Variants in MVB12B observed in about 807,000 individuals in gnomAD.
MVB12B encodes multivesicular body subunit 12B.
Under a neutral mutation model 41.6 loss-of-function variants are expected in MVB12B, and 16 were observed. That is an observed-to-expected ratio of 0.38 (90% CI 0.26 to 0.58). The LOEUF (loss-of-function observed/expected upper bound fraction) is 0.58, where lower values mean the gene tolerates loss of function less well. MVB12B is among the 20% of genes least tolerant of loss of function. MVB12B has a pLI of 0.62. For missense variants in MVB12B, 274 were observed against 380.2 expected, an observed-to-expected ratio of 0.72 and a Z score of 2.32; for synonymous variants, 133 against 139.7, an observed-to-expected ratio of 0.95 and a Z score of 0.34.
chr9:126,441,707 G>A (rs1832644916), intron 7 of MVB12B, among the ~76,000 whole-genome samples: 1 of 143,884 alleles, frequency 7.0e-6, no homozygotes, highest in African/African-American at 2.4e-5. Context: ...TTCCCTAATA[G>A]CTACAAAACT....
At chr9:126,492,128 A>G (rs1328873736) in intron 9 of MVB12B, among the ~76,000 whole-genome samples, 1 of 148,356 alleles carries the variant, frequency 6.7e-6, no homozygotes, top group Non-Finnish European at 1.5e-5. Context: ...GCACACACAC[A>G]CACACACACG....
chr9:126,446,438 CTAAG>C (rs1395854565), intron 7 of MVB12B, among the ~76,000 whole-genome samples: 1 of 140,606 alleles, frequency 7.1e-6, no homozygotes, highest in African/African-American at 2.7e-5. Flanking sequence ...TTTGTGTGAT[CTAAG>C]TTTTTTTCAA....
At chr9:126,327,272 A>G in intron 1 of MVB12B, 1 of 984,608 alleles carries the variant, frequency 1.0e-6, no homozygotes, top group Non-Finnish European at 1.2e-6. Flanking sequence ...CCCGAGTGCC[A>G]GCAGCGCCCC....
intron 7 of MVB12B, among the ~76,000 whole-genome samples, chr9:126,475,123 C>T (rs761708328): frequency 2.6e-5 from 4 of 152,328 alleles, no homozygotes; most frequent in Non-Finnish European, 2.9e-5. Context: ...ACCTACACTA[C>T]GAGACTCTTC....
chr9:126,420,507 A>T (rs1831972056), intron 6 of MVB12B, among the ~76,000 whole-genome samples: 1 of 150,112 alleles, frequency 6.7e-6, no homozygotes, highest in African/African-American at 2.5e-5. Context: ...GTTCCAGCTC[A>T]ATCCTGGACC....
rs148909405 is a variant in MVB12B at position 126,486,722 on chromosome 9, T to C, written c.873+2690T>C. ...CTACCCCAGGCCTCATTCCTCCCTG[T>C]GTCGTGGGGAGAAATGGAGACTCCG... is the stretch of plus-strand genomic sequence containing the variant. On this transcript the variant is annotated intron_variant, in intron 9 of 9. Coordinates refer to ENST00000361171, the MANE Select transcript of MVB12B (RefSeq NM_033446.3). The surrounding 1 kb of genome is among the most constrained non-coding windows in gnomAD (Gnocchi z 4.7). Among the ~76,000 whole-genome samples the C allele has an allele frequency of 1.2e-4, 19 of 152,232 alleles. No individual in the cohort carries two copies. The highest frequency in any genetic ancestry group is 2.4e-4 in the Non-Finnish European group (16 of 67,992).
intron 2 of MVB12B, among the ~76,000 whole-genome samples, chr9:126,374,945 T>A (rs576954137): frequency 6.6e-6 from 1 of 152,358 alleles, no homozygotes; most frequent in East Asian, 1.9e-4. Flanking sequence ...ATCAGAGTGC[T>A]CATAAGAAAA....
intron 2 of MVB12B, among the ~76,000 whole-genome samples, chr9:126,375,201 T>C (rs1044652357): frequency 1.3e-5 from 2 of 152,224 alleles, no homozygotes; most frequent in African/African-American, 4.8e-5. Flanking sequence ...TGAATACCAC[T>C]GAATCAAGTA....
chr9:126,458,677 T>C (rs1588189044), intron 7 of MVB12B, among the ~76,000 whole-genome samples: 1 of 152,354 alleles, frequency 6.6e-6, no homozygotes, highest in East Asian at 1.9e-4. Flanking sequence ...GGTATCTTTC[T>C]AGGCTGTTAG....
chr9:126,501,116 G>C (rs1833946415), intron 9 of MVB12B, among the ~76,000 whole-genome samples: 1 of 152,234 alleles, frequency 6.6e-6, no homozygotes, highest in African/African-American at 2.4e-5. Flanking sequence ...CAGCCTCCCG[G>C]AGCCGGAGTC....
intron 6 of MVB12B, chr9:126,396,175 A>C (rs1831108454): frequency 1.0e-6 from 1 of 987,090 alleles, no homozygotes; most frequent in Non-Finnish European, 1.2e-6. Context: ...ATGAGAGAAT[A>C]GTGAGGAGTT....
intron 3 of MVB12B, among the ~76,000 whole-genome samples, chr9:126,382,765 A>G (rs1160077571): frequency 6.6e-6 from 1 of 152,130 alleles, no homozygotes; most frequent in Non-Finnish European, 1.5e-5. Flanking sequence ...GTTGGTACCT[A>G]GGCTAGCAGA....
intron 2 of MVB12B, among the ~76,000 whole-genome samples, chr9:126,366,235 T>C (rs889652967): frequency 6.6e-6 from 1 of 151,970 alleles, no homozygotes; most frequent in African/African-American, 2.4e-5. Context: ...CTCTTCATTA[T>C]CCCCACTCAC....
In MVB12B at chr9:126,371,278, C is replaced by T. The variant is rs538699774; in HGVS notation, c.205-9786C>T. Among the ~76,000 whole-genome samples, 6 of 152,356 alleles carry T rather than the reference C, an allele frequency of 3.9e-5. No homozygotes were observed. The East Asian group carries it at 9.6e-4, about 24-fold the overall frequency. ...CTTGGCCGTCTGGGTGCGACAGAAA[C>T]GGGAGCACTTCTGGCCCAGAGCCTC... On this transcript the variant is annotated intron_variant, in intron 2 of 9. Coordinates refer to ENST00000361171, the MANE Select transcript of MVB12B (RefSeq NM_033446.3).
chr9:126,342,289 C>T (rs1294167724), intron 2 of MVB12B, among the ~76,000 whole-genome samples: 2 of 152,284 alleles, frequency 1.3e-5, no homozygotes, highest in African/African-American at 2.4e-5. Context: ...GCAGGGGTCT[C>T]CCCATCTTCC....
rs1344832512 is a variant in MVB12B at position 126,389,425 on chromosome 9, ATG to A, written c.410-2639_410-2638del. Among the ~76,000 whole-genome samples the A allele has an allele frequency of 6.6e-6, 1 of 152,184 alleles. No homozygotes were observed. Among genetic ancestry groups the A allele is most frequent in the Non-Finnish European group, 1.5e-5 (1 of 68,036 alleles). ...CCATATAGCACTGAAAAACTGGAAG[ATG>A]TTTGTTTTAGTAAAGTGCTGTGTAC... is the stretch of plus-strand genomic sequence containing the variant. On this transcript the variant is annotated intron_variant, in intron 4 of 9. Coordinates refer to ENST00000361171, the MANE Select transcript of MVB12B (RefSeq NM_033446.3). The surrounding 1 kb of genome is among the most constrained non-coding windows in gnomAD (Gnocchi z 4.4).
At position 126,340,873 on chromosome 9, in the gene MVB12B, G is replaced by A. The variant is rs1829426762; in HGVS notation, c.204+243G>A. ...CACCTTCTGTAAAATTAAGGAGTTA[G>A]ATTCATTGATTTTCAACTTCTGGTT... On this transcript the variant is annotated intron_variant, in intron 2 of 9. Coordinates refer to ENST00000361171, the MANE Select transcript of MVB12B (RefSeq NM_033446.3). This position sits in a 1 kb window ranked among gnomAD's most constrained non-coding sequence, Gnocchi z 4.0. 6.6e-6 allele frequency among the ~76,000 whole-genome samples: 1 copy of A among 152,176 alleles called. No homozygotes were observed. The highest frequency in any genetic ancestry group is 1.5e-5 in the Non-Finnish European group (1 of 68,024).
intron 7 of MVB12B, among the ~76,000 whole-genome samples, chr9:126,433,314 C>A (rs2119119308): frequency 6.7e-6 from 1 of 149,244 alleles, no homozygotes; most frequent in Admixed American, 6.6e-5. Context: ...CAGGTATCCC[C>A]TCTGATACAC....
chr9:126,401,790 A>T (rs1588142101), intron 6 of MVB12B, among the ~76,000 whole-genome samples: 1 of 152,156 alleles, frequency 6.6e-6, no homozygotes, highest in Admixed American at 6.5e-5. Context: ...ATGGGGATCA[A>T]CTCCATTACT....
Sources: gnomAD v4.1 joint callset for allele counts (sites outside exome capture counted in the v4.1 genomes callset) on GRCh38, gnomAD v4.1.1 for gene constraint, Gnocchi (gnomAD v3.1) non-coding constraint, MANE v1.5 for transcripts, NCBI Gene and HGNC (gene_info 2026-07-23, HGNC 2026-07-21) for gene names.